The following NTM variants were observed in gnomAD, a reference collection of about 807,000 sequenced individuals.
NTM encodes neurotrimin.
NTM carries 13 observed loss-of-function variants against 42.1 expected under a neutral mutation model. That is an observed-to-expected ratio of 0.31 (90% CI 0.20 to 0.49). The LOEUF is 0.49. NTM is among the 20% of genes least tolerant of loss of function. The probability of loss-of-function intolerance (pLI) is 0.99; values close to 1 mark genes in which losing one functional copy is unlikely to be tolerated. For synonymous variants in NTM, 187 were observed against 179.2 expected (o/e 1.04, Z -0.35); for missense variants, 373 against 452.8 (o/e 0.82, Z 1.60).
intron 1 of NTM, among the ~76,000 whole-genome samples, chr11:131,752,801 G>A (rs1053038547): frequency 5.4e-4 from 17 of 31,414 alleles, no homozygotes; most frequent in African/African-American, 1.3e-3. Context: ...GAAGAAAACC[G>A]CGCATTACCA....
intron 1 of NTM, among the ~76,000 whole-genome samples, chr11:131,627,867 C>T (rs2063281549): frequency 6.6e-6 from 1 of 152,058 alleles, no homozygotes. Flanking sequence ...TTTCCAGGTG[C>T]CATTAGGAGT....
chr11:131,826,807 T>A (rs1271031964), intron 1 of NTM, among the ~76,000 whole-genome samples: 1 of 152,140 alleles, frequency 6.6e-6, no homozygotes, highest in African/African-American at 2.4e-5. Flanking sequence ...GTTGGCCCTC[T>A]GGAGCTTTGG....
chr11:132,287,453 AC>A (rs1377108616), intron 4 of NTM, among the ~76,000 whole-genome samples: 4 of 152,138 alleles, frequency 2.6e-5, no homozygotes, highest in African/African-American at 9.7e-5. Flanking sequence ...TGTGCATGTG[AC>A]TGAGCAGAGG....
chr11:131,905,498 C>T (rs1348241728), intron 1 of NTM, among the ~76,000 whole-genome samples: 1 of 152,062 alleles, frequency 6.6e-6, no homozygotes, highest in Non-Finnish European at 1.5e-5. Flanking sequence ...CTTCTGCCAT[C>T]CACGAGATTC....
chr11:132,329,676 G>A (rs181341018), intron 7 of NTM, among the ~76,000 whole-genome samples: 41 of 152,340 alleles, frequency 2.7e-4, no homozygotes, highest in Admixed American at 9.1e-4. Context: ...TACAGCATGA[G>A]CACCTACATT....
chr11:132,072,542 C>T (rs1039616362), intron 2 of NTM, among the ~76,000 whole-genome samples: 1 of 152,072 alleles, frequency 6.6e-6, no homozygotes, highest in African/African-American at 2.4e-5. Flanking sequence ...AGAATAGTTG[C>T]CTTTAGCTAT....
chr11:131,971,316 C>G (rs1348124909), intron 2 of NTM, among the ~76,000 whole-genome samples: 1 of 152,132 alleles, frequency 6.6e-6, no homozygotes, highest in East Asian at 1.9e-4. Flanking sequence ...TTTCTCTGGT[C>G]ACTGGTGTGA....
At chr11:131,373,486 G>C (rs1444551972) in intron 1 of NTM, among the ~76,000 whole-genome samples, 1 of 151,980 alleles carries the variant, frequency 6.6e-6, no homozygotes, top group African/African-American at 2.4e-5. Context: ...GTAGGGAGGG[G>C]GGTTTCTGAG....
chr11:132,040,998 T>A (rs2077101240), intron 2 of NTM, among the ~76,000 whole-genome samples: 1 of 152,218 alleles, frequency 6.6e-6, no homozygotes, highest in Non-Finnish European at 1.5e-5. Context: ...CTAAGACAAT[T>A]CCTGGCATCC....
chr11:131,711,538 G>A (rs940079499), intron 1 of NTM, among the ~76,000 whole-genome samples: 4 of 152,208 alleles, frequency 2.6e-5, no homozygotes, highest in Non-Finnish European at 5.9e-5. Context: ...TGGTGGGATC[G>A]TAAACTAATT....
At chr11:132,145,550 A>G (rs564461247) in intron 2 of NTM, among the ~76,000 whole-genome samples, 65 of 152,360 alleles carry the variant, frequency 4.3e-4, no homozygotes, top group African/African-American at 1.5e-3. Flanking sequence ...CCACAATTCA[A>G]GGACTCCAGA....
intron 1 of NTM, among the ~76,000 whole-genome samples, chr11:131,628,554 T>A (rs963408866): frequency 1.3e-5 from 2 of 152,160 alleles, no homozygotes; most frequent in African/African-American, 4.8e-5. Flanking sequence ...GCCCTTCAAC[T>A]TTATTTTGGG....
At chr11:131,691,563 C>CA in intron 1 of NTM, among the ~76,000 whole-genome samples, 1 of 152,038 alleles carries the variant, frequency 6.6e-6, no homozygotes, top group African/African-American at 2.4e-5. Context: ...TGAAAGCCCC[C>CA]CCCCGACTTC....
chr11:131,442,390 A>G (rs537023303), intron 1 of NTM, among the ~76,000 whole-genome samples: 1 of 152,306 alleles, frequency 6.6e-6, no homozygotes, highest in African/African-American at 2.4e-5. Flanking sequence ...AACAGAGGGG[A>G]CATGACAGCT....
chr11:131,867,068 C>T (rs559953808), intron 1 of NTM, among the ~76,000 whole-genome samples: 9 of 152,206 alleles, frequency 5.9e-5, no homozygotes, highest in Admixed American at 1.3e-4. Flanking sequence ...AGGGTGCAAT[C>T]GCAGGATCAA....
At chr11:131,787,406 A>C (rs2089441047) in intron 1 of NTM, among the ~76,000 whole-genome samples, 1 of 107,418 alleles carries the variant, frequency 9.3e-6, no homozygotes, top group African/African-American at 3.4e-5. Context: ...TTTGAGACAG[A>C]GTCTCTCTCT....
At chr11:131,688,648 A>T (rs2074251624) in intron 1 of NTM, among the ~76,000 whole-genome samples, 1 of 152,212 alleles carries the variant, frequency 6.6e-6, no homozygotes, top group Non-Finnish European at 1.5e-5. Context: ...GTGACTGTCC[A>T]GCATCTACCA....
intron 2 of NTM, among the ~76,000 whole-genome samples, chr11:132,023,169 G>A (rs544611845): frequency 2.3e-4 from 35 of 152,266 alleles, no homozygotes; most frequent in African/African-American, 6.5e-4. Context: ...ACGTGCTGCC[G>A]CCTGGGCATG....
intron 1 of NTM, among the ~76,000 whole-genome samples, chr11:131,847,028 C>T (rs957947411): frequency 1.1e-4 from 16 of 152,096 alleles, no homozygotes; most frequent in African/African-American, 3.9e-4. Context: ...GGAACTTGAT[C>T]ATGATGTGGT....
Sources: allele counts gnomAD v4.1 joint callset (sites outside exome capture counted in the v4.1 genomes callset), GRCh38; gene constraint gnomAD v4.1.1; transcripts MANE v1.5; gene names NCBI Gene and HGNC (gene_info 2026-07-23, HGNC 2026-07-21).